The following PCDHGA1 variants were observed in gnomAD, a reference collection of about 807,000 sequenced individuals.
PCDHGA1 encodes protocadherin gamma subfamily A, 1.
In PCDHGA1, 32 loss-of-function variants were observed where a neutral mutation model predicts 58.0. The ratio of observed to expected loss-of-function variants is 0.55; its 90% CI spans 0.42 to 0.74. The LOEUF (loss-of-function observed/expected upper bound fraction) is 0.74, where lower values mean the gene tolerates loss of function less well. PCDHGA1 is among the 30% of genes least tolerant of loss of function. The pLI, the probability that PCDHGA1 is intolerant of heterozygous loss-of-function variation, is 0.00. For missense variants in PCDHGA1, 1,205 were observed against 1,182.3 expected (o/e 1.02, Z -0.28); for synonymous variants, 498 against 501.1 (o/e 0.99, Z 0.08).
chr5:141,476,979 G>A lies in PCDHGA1; in HGVS notation c.2422-17828G>A, dbSNP rs772801536. On this transcript the variant is annotated intron_variant, in intron 1 of 3. Coordinates refer to ENST00000517417, the MANE Select transcript of PCDHGA1 (RefSeq NM_018912.3). The surrounding 1 kb of genome is among the most constrained non-coding windows in gnomAD (Gnocchi z 7.6). ...ATTTACTCCTTCGGCAGCCACAACC[G>A]CGCCGGCGTGCGGCAACTATTCGCC... The A allele has an allele frequency of 1.9e-6, 3 of 1,614,238 alleles. No homozygotes were observed. The South Asian group carries it at 3.3e-5, about 18-fold the overall frequency.
rs762418103 is a variant in PCDHGA1 at position 141,364,738 on chromosome 5, A to G, written c.2421+31633A>G. Reference sequence around the variant, plus strand: ...ATAACTTCCCGCGTTTCCGGGATGAAGAGTTAAAAGTAAAAGTTAATGAAA... The same window carrying G: ...ATAACTTCCCGCGTTTCCGGGATGAGGAGTTAAAAGTAAAAGTTAATGAAA... On this transcript the variant is annotated intron_variant, in intron 1 of 3. Transcript: ENST00000517417. The G allele has an allele frequency of 3.1e-6, 5 of 1,613,948 alleles. 1 individual carries two copies. In the South Asian group the frequency reaches 5.5e-5, roughly 18 times the overall value.
chr5:141,407,497 G>GTTTTTTTTTTTTTTTTT (rs1554102286), intron 1 of PCDHGA1, among the ~76,000 whole-genome samples: 2 of 151,970 alleles, frequency 1.3e-5, no homozygotes, highest in African/African-American at 4.8e-5. Context: ...CTTTATTTCT[G>GTTTTTTTTTTTTTTTTT]TTTTTCTTAG....
rs191844335 is a variant in PCDHGA1 at position 141,394,289 on chromosome 5, C to A, written c.2421+61184C>A. ...ATGCCCAGGTCACTTACTCTGTGAC[C>A]GAGGACACGCTGCAGGGGGCGCCCC... On this transcript the variant is annotated intron_variant, in intron 1 of 3. Coordinates refer to ENST00000517417, the MANE Select transcript of PCDHGA1 (RefSeq NM_018912.3). The A allele has an allele frequency of 3.8e-5, 61 of 1,613,954 alleles. 1 individual carries two copies. In the African/African-American group the frequency reaches 6.0e-4, roughly 16 times the overall value.
chr5:141,415,067 G>A, intron 1 of PCDHGA1: 1 of 1,613,398 alleles, frequency 6.2e-7, no homozygotes, highest in Non-Finnish European at 8.5e-7. Context: ...GGCGAGGTGC[G>A]CACGGCGCGA....
intron 2 of PCDHGA1, among the ~76,000 whole-genome samples, chr5:141,500,775 T>C (rs1251282826): frequency 6.6e-6 from 1 of 152,218 alleles, no homozygotes; most frequent in Non-Finnish European, 1.5e-5. Context: ...CTTATGAATA[T>C]ACATATTATT....
intron 1 of PCDHGA1, among the ~76,000 whole-genome samples, chr5:141,420,701 T>C (rs371823252): frequency 7.2e-5 from 11 of 152,226 alleles, no homozygotes; most frequent in Admixed American, 5.9e-4. Flanking sequence ...TATTTCCACT[T>C]CCAGAAATGT....
intron 1 of PCDHGA1, chr5:141,393,918 T>C: frequency 6.2e-7 from 1 of 1,613,982 alleles, no homozygotes; most frequent in Non-Finnish European, 8.5e-7. Context: ...AATTGCCTTC[T>C]TGAGTGTGCA....
At chr5:141,368,517 C>T (rs2149927264) in intron 1 of PCDHGA1, among the ~76,000 whole-genome samples, 1 of 152,138 alleles carries the variant, frequency 6.6e-6, no homozygotes, top group East Asian at 1.9e-4. Flanking sequence ...ATTATTCACT[C>T]CTATGTGAAA....
At chr5:141,461,893 G>A (rs2099025951) in intron 1 of PCDHGA1, among the ~76,000 whole-genome samples, 1 of 151,772 alleles carries the variant, frequency 6.6e-6, no homozygotes, top group African/African-American at 2.4e-5. Context: ...GCACGATCTC[G>A]GCTCACTGCA....
At chr5:141,408,932 A>C in intron 1 of PCDHGA1, 1 of 1,613,594 alleles carries the variant, frequency 6.2e-7, no homozygotes, top group South Asian at 1.1e-5. Context: ...GGTTTTCAGC[A>C]GAGACGAATA....
chr5:141,491,110 C>T lies in PCDHGA1; in HGVS notation c.2422-3697C>T. On this transcript the variant is annotated intron_variant, in intron 1 of 3. Transcript: ENST00000517417. This position sits in a 1 kb window ranked among gnomAD's most constrained non-coding sequence, Gnocchi z 6.9. ...CCCAGGACTGTTCCTCGTGTCTACA[C>T]ACACTGGTGAGGTGCGCACAGCCCG... 3.7e-6 allele frequency: 6 copies of T among 1,614,212 alleles called. No individual in the cohort carries two copies. Among genetic ancestry groups the T allele is most frequent in the Non-Finnish European group, 5.1e-6 (6 of 1,180,024 alleles).
intron 1 of PCDHGA1, chr5:141,362,674 A>G (rs774822554): frequency 5.1e-5 from 63 of 1,246,738 alleles, no homozygotes; most frequent in Non-Finnish European, 5.8e-5. Context: ...TTGTGCCTTA[A>G]TTGTCTTAAT....
chr5:141,382,463 A>T (rs1010194037), intron 1 of PCDHGA1, among the ~76,000 whole-genome samples: 1 of 152,216 alleles, frequency 6.6e-6, no homozygotes, highest in African/African-American at 2.4e-5. Context: ...GCAGTTTTTT[A>T]AAAATTATCT....
intron 1 of PCDHGA1, chr5:141,384,773 A>C (rs775593747): frequency 6.2e-6 from 10 of 1,613,726 alleles, no homozygotes; most frequent in Middle Eastern, 1.6e-4. Flanking sequence ...TACACGGGCG[A>C]GGTGCGCACG....
chr5:141,356,169 T>C (rs1760137963), intron 1 of PCDHGA1: 1 of 1,613,022 alleles, frequency 6.2e-7, no homozygotes, highest in Non-Finnish European at 8.5e-7. Context: ...AAGCCCATGA[T>C]GGGCCTGGTC....
At chr5:141,505,523 G>C in intron 3 of PCDHGA1, 42 bp downstream of exon 3, 2 of 1,612,760 alleles carry the variant, frequency 1.2e-6, no homozygotes, top group South Asian at 2.2e-5. Context: ...GGGAGACCTG[G>C]GGTTCTGGGG....
At chr5:141,441,831 C>T in intron 1 of PCDHGA1, 3 of 352,742 alleles carry the variant, frequency 8.5e-6, no homozygotes, top group South Asian at 7.2e-5. Context: ...AGCGCAATGG[C>T]TTCGCGCTCT....
chr5:141,414,721 G>A (rs373261988), intron 1 of PCDHGA1: 29 of 1,614,004 alleles, frequency 1.8e-5, no homozygotes, highest in Middle Eastern at 1.6e-4. Flanking sequence ...CTCAGACACT[G>A]GCGTCCTGTA....
rs1292290803 is a variant in PCDHGA1, at chr5:141,331,506, T to TG, written c.826dup (p.Glu276GlyfsTer29). The TG allele has an allele frequency of 1.2e-6, 2 of 1,614,122 alleles. No individual in the cohort carries two copies. Among genetic ancestry groups the TG allele is most frequent in the South Asian group, 2.2e-5 (2 of 91,084 alleles). Reference sequence around the variant, plus strand: ...CCACTGACCCTGATGAGGGAGCCAATGGGGAAGTAACGTACTCCTTTCACA... The same window carrying TG: ...CCACTGACCCTGATGAGGGAGCCAATGGGGGAAGTAACGTACTCCTTTCACA... On this transcript the variant is annotated frameshift_variant, in exon 1 of 4. Coordinates refer to ENST00000517417, the MANE Select transcript of PCDHGA1 (RefSeq NM_018912.3). LOFTEE classifies it high-confidence loss of function.
Sources: gnomAD v4.1 joint callset for allele counts (sites outside exome capture counted in the v4.1 genomes callset) on GRCh38, gnomAD v4.1.1 for gene constraint, Gnocchi (gnomAD v3.1) non-coding constraint, MANE v1.5 for transcripts, NCBI Gene and HGNC (gene_info 2026-07-23, HGNC 2026-07-21) for gene names.